The following FSTL4 variants were observed in gnomAD, a reference collection of about 807,000 sequenced individuals.
FSTL4 encodes follistatin like 4, also known as follistatin-related protein 4.
FSTL4 carries 28 observed loss-of-function variants against 78.2 expected under a neutral mutation model. The ratio of observed to expected loss-of-function variants is 0.36; its 90% CI spans 0.27 to 0.49. The LOEUF (loss-of-function observed/expected upper bound fraction) is 0.49. Ranked by LOEUF, FSTL4 falls within the 20% of genes least tolerant of loss-of-function variation. The probability of loss-of-function intolerance (pLI) is 0.98; values close to 1 mark genes in which losing one functional copy is unlikely to be tolerated. For missense variants in FSTL4, 922 were observed against 1,084.9 expected, an observed-to-expected ratio of 0.85 and a Z score of 2.11; for synonymous variants, 422 against 440.5, an observed-to-expected ratio of 0.96 and a Z score of 0.53.
intron 3 of FSTL4, among the ~76,000 whole-genome samples, chr5:133,439,803 G>A (rs1221422125): frequency 1.3e-5 from 2 of 152,224 alleles, no homozygotes; most frequent in African/African-American, 2.4e-5. Flanking sequence ...AGGCTTTGCC[G>A]AAGGGGGCAG....
At chr5:133,514,178 C>CAAT (rs779619451) in intron 3 of FSTL4, among the ~76,000 whole-genome samples, 24,766 of 130,790 alleles carry the variant, frequency 0.19, 2,454 homozygotes, top group Admixed American at 0.23. Flanking sequence ...GACTCCGTCT[C>CAAT]AATGATAATA....
At position 133,201,951 on chromosome 5, in the gene FSTL4, AG is replaced by A; in HGVS notation, c.1807del (p.Leu603SerfsTer27). 1 of 1,604,306 alleles carries A rather than the reference AG, an allele frequency of 6.2e-7. No individual in the cohort carries two copies. The highest frequency in any genetic ancestry group is 8.5e-7 in the Non-Finnish European group (1 of 1,173,024). On this transcript the variant is annotated frameshift_variant, in exon 15 of 16. Transcript: ENST00000265342. LOFTEE classifies it low-confidence loss of function (END_TRUNC). ...GTCTCACCTGATGTGGTTGATGATG[AG>A]GTTTGTTGGGGGAATGAAGAAATCA... ...VDDFFIPPTN[L>X]IINHIRFGFI...
chr5:133,468,671 G>A (rs932844191), intron 3 of FSTL4, among the ~76,000 whole-genome samples: 3 of 152,146 alleles, frequency 2.0e-5, no homozygotes, highest in Admixed American at 2.0e-4. Context: ...CCAGCCTAAG[G>A]TCCAGGTCCC....
At chr5:133,658,413 T>G in the FSTL4 span, among the ~76,000 whole-genome samples, 1 of 152,148 alleles carries the variant, frequency 6.6e-6, no homozygotes, top group Admixed American at 6.5e-5. Flanking sequence ...TGGAAATTTT[T>G]TGGAAAAAAT....
chr5:133,510,537 C>G (rs113816216), intron 3 of FSTL4, among the ~76,000 whole-genome samples: 3,117 of 152,160 alleles, frequency 0.02, 48 homozygotes, highest in Non-Finnish European at 0.032. Context: ...ATGTTCCCAG[C>G]CTTCCCTGAG....
intron 4 of FSTL4, chr5:133,334,047 C>A (rs1330168289): frequency 2.0e-5 from 3 of 152,322 alleles, no homozygotes; most frequent in African/African-American, 7.2e-5. Context: ...AACAGGAGAT[C>A]TTTGTTTTCT....
At chr5:133,627,865 T>C in the FSTL4 span, among the ~76,000 whole-genome samples, 24 of 151,808 alleles carry the variant, frequency 1.6e-4, no homozygotes, top group Admixed American at 3.3e-4. Flanking sequence ...ATAATATTTT[T>C]GCATTATTTA....
intron 3 of FSTL4, among the ~76,000 whole-genome samples, chr5:133,461,389 C>T (rs780148524): frequency 6.6e-6 from 1 of 152,196 alleles, no homozygotes; most frequent in African/African-American, 2.4e-5. Context: ...GACTTAATTA[C>T]ATTTCTAGGT....
At chr5:133,602,867 T>G (rs1292131746) in intron 2 of FSTL4, among the ~76,000 whole-genome samples, 1 of 152,236 alleles carries the variant, frequency 6.6e-6, no homozygotes, top group Non-Finnish European at 1.5e-5. Context: ...AGAGAAATCA[T>G]GTCTTTTGAT....
Position 133,225,917 on chromosome 5 carries a change from C to G in FSTL4, c.1016-98G>C. The G allele has an allele frequency of 2.3e-6, 2 of 863,608 alleles. No individual in the cohort carries two copies. Among genetic ancestry groups the G allele is most frequent in the Non-Finnish European group, 3.4e-6 (2 of 589,798 alleles). 53.5% of individuals were successfully genotyped at this position (863,608 alleles called of 1,614,324 possible). ...GACCCTGCTCCAGAGGGGGTGAACC[C>G]AAGTAGGTGACTGGAGTTCTGTGTT... On this transcript the variant is annotated intron_variant, in intron 8 of 15. Coordinates refer to ENST00000265342, the MANE Select transcript of FSTL4 (RefSeq NM_015082.2). This position sits in a 1 kb window ranked among gnomAD's most constrained non-coding sequence, Gnocchi z 4.6.
At position 133,580,519 on chromosome 5, in the gene FSTL4, A is replaced by T. The variant is rs140845723; in HGVS notation, c.127-13300T>A. Among the ~76,000 whole-genome samples the T allele has an allele frequency of 3.3e-3, 500 of 152,346 alleles. 3 individuals carry two copies. Among genetic ancestry groups the T allele is most frequent in the African/African-American group, 0.011 (478 of 41,584 alleles). On this transcript the variant is annotated intron_variant, in intron 2 of 15. Coordinates refer to ENST00000265342, the MANE Select transcript of FSTL4 (RefSeq NM_015082.2). Reference sequence around the variant, plus strand: ...ACAAACAAACACACAAACAAAGGAAATGTAGAGAATATCTCATGCTAAGAA... The same window carrying T: ...ACAAACAAACACACAAACAAAGGAATTGTAGAGAATATCTCATGCTAAGAA...
At chr5:133,456,688 A>C (rs1307305593) in intron 3 of FSTL4, among the ~76,000 whole-genome samples, 2 of 151,846 alleles carry the variant, frequency 1.3e-5, no homozygotes, top group Non-Finnish European at 2.9e-5. Flanking sequence ...TTGTACTTAA[A>C]AAAACAAAAC....
chr5:133,473,174 G>C (rs1580731497), intron 3 of FSTL4, among the ~76,000 whole-genome samples: 2 of 152,042 alleles, frequency 1.3e-5, no homozygotes, highest in East Asian at 3.9e-4. Context: ...TTCTAATCTA[G>C]TGCTCTGTTT....
At chr5:133,541,927 G>GACACACACACACACACACACACACAC (rs61471971) in intron 3 of FSTL4, among the ~76,000 whole-genome samples, 14 of 148,232 alleles carry the variant, frequency 9.4e-5, no homozygotes, top group East Asian at 8.0e-4. Flanking sequence ...GAATGTTACA[G>GACACACACACACACACACACACACAC]ACACACACAC....
intron 15 of FSTL4, among the ~76,000 whole-genome samples, chr5:133,201,545 C>T (rs562801964): frequency 6.6e-6 from 1 of 152,344 alleles, no homozygotes; most frequent in African/African-American, 2.4e-5. Context: ...CTTCACTTCT[C>T]TGATCCTCAT....
At chr5:133,501,995 G>T (rs1349153247) in intron 3 of FSTL4, among the ~76,000 whole-genome samples, 2 of 152,164 alleles carry the variant, frequency 1.3e-5, no homozygotes, top group African/African-American at 4.8e-5. Context: ...GAATGATGCT[G>T]CCATAAGGCA....
chr5:133,759,593 A>G, the FSTL4 span, among the ~76,000 whole-genome samples: 1 of 152,268 alleles, frequency 6.6e-6, no homozygotes, highest in Non-Finnish European at 1.5e-5. Flanking sequence ...ATATACAAAT[A>G]TAGCACTATA....
At chr5:133,375,704 G>T (rs1381694188) in intron 4 of FSTL4, among the ~76,000 whole-genome samples, 1 of 152,116 alleles carries the variant, frequency 6.6e-6, no homozygotes, top group Non-Finnish European at 1.5e-5. Context: ...ATCCATTAGA[G>T]GCAACTACCA....
At chr5:133,485,791 C>T (rs898073690) in intron 3 of FSTL4, among the ~76,000 whole-genome samples, 1 of 152,212 alleles carries the variant, frequency 6.6e-6, no homozygotes, top group Non-Finnish European at 1.5e-5. Context: ...GGCTGAGTTG[C>T]TGAGGTTTGC....
Sources: allele counts gnomAD v4.1 joint callset (sites outside exome capture counted in the v4.1 genomes callset), GRCh38; gene constraint gnomAD v4.1.1; non-coding constraint Gnocchi (gnomAD v3.1); transcripts MANE v1.5; gene names NCBI Gene and HGNC (gene_info 2026-07-23, HGNC 2026-07-21).